Variants in DOCK2 observed in about 807,000 individuals in gnomAD.
The protein encoded by DOCK2 is dedicator of cytokinesis protein 2.
In DOCK2, 87 loss-of-function variants were observed where a neutral mutation model predicts 248.9. The ratio of observed to expected loss-of-function variants is 0.35; its 90% CI spans 0.29 to 0.42. The LOEUF (loss-of-function observed/expected upper bound fraction) is 0.42, where lower values mean the gene tolerates loss of function less well. DOCK2 is among the 10% of genes least tolerant of loss of function. The pLI is 1.00. For missense variants in DOCK2, 1,747 were observed against 2,300.2 expected (o/e 0.76, Z 4.92); for synonymous variants, 805 against 821.6 (o/e 0.98, Z 0.35).
intron 2 of DOCK2, among the ~76,000 whole-genome samples, chr5:169,659,465 A>T (rs930034003): frequency 1.3e-5 from 2 of 152,188 alleles, no homozygotes; most frequent in Non-Finnish European, 2.9e-5. Context: ...GTATATTTTT[A>T]CAACATGGCC....
At chr5:170,014,686 A>G (rs1755446435) in intron 32 of DOCK2, among the ~76,000 whole-genome samples, 1 of 148,816 alleles carries the variant, frequency 6.7e-6, no homozygotes, top group Admixed American at 6.7e-5. Flanking sequence ...AAGGAAGAAG[A>G]GCTCGTTGGT....
intron 14 of DOCK2, among the ~76,000 whole-genome samples, chr5:169,704,440 C>T (rs1368364954): frequency 6.7e-6 from 1 of 148,338 alleles, no homozygotes; most frequent in Non-Finnish European, 1.5e-5. Context: ...GTGTCAAGGG[C>T]CTTGCTCAGG....
chr5:170,079,358 G>A lies in DOCK2; in HGVS notation c.5166+212G>A, dbSNP rs1757946773. Reference sequence around the variant, plus strand: ...TGGCTGGGACATGACAGAGCTGGGAGTTGAGCCCTGACCTTTGCACTTCAG... The same window carrying A: ...TGGCTGGGACATGACAGAGCTGGGAATTGAGCCCTGACCTTTGCACTTCAG... On this transcript the variant is annotated intron_variant, in intron 49 of 51. Transcript: ENST00000520908. The A allele has an allele frequency of 7.0e-6, 4 of 572,866 alleles. No homozygotes were observed. In the South Asian group the frequency reaches 8.0e-5, roughly 11 times the overall value. 35.5% of individuals were successfully genotyped at this position (572,866 alleles called of 1,614,324 possible).
chr5:169,744,419 AAG>A (rs1382097246), intron 22 of DOCK2, among the ~76,000 whole-genome samples: 4 of 152,216 alleles, frequency 2.6e-5, no homozygotes, highest in African/African-American at 9.6e-5. Context: ...TCTGTACAAT[AAG>A]AGCAAGAACT....
intron 17 of DOCK2, among the ~76,000 whole-genome samples, chr5:169,713,599 T>C (rs1016459658): frequency 2.0e-5 from 3 of 152,152 alleles, no homozygotes; most frequent in African/African-American, 7.2e-5. Flanking sequence ...CAAGATAGCA[T>C]AGACCTGTGA....
intron 22 of DOCK2, among the ~76,000 whole-genome samples, chr5:169,734,680 G>A (rs941604841): frequency 8.5e-5 from 13 of 152,146 alleles, no homozygotes; most frequent in African/African-American, 2.2e-4. Context: ...ATATGTTTGC[G>A]TTTTTCTTCT....
chr5:169,830,266 A>G (rs1390331630), intron 26 of DOCK2, among the ~76,000 whole-genome samples: 3 of 152,250 alleles, frequency 2.0e-5, no homozygotes, highest in South Asian at 2.1e-4. Flanking sequence ...GAGGTGGCTC[A>G]TGTAAAGCAC....
chr5:169,734,794 C>A (rs574880350), intron 22 of DOCK2, among the ~76,000 whole-genome samples: 8 of 152,210 alleles, frequency 5.3e-5, no homozygotes, highest in Non-Finnish European at 1.0e-4. Flanking sequence ...ACTGGGAAAC[C>A]AGCTTTATAT....
At chr5:169,945,929 C>T (rs764635673) in intron 27 of DOCK2, among the ~76,000 whole-genome samples, 8 of 152,218 alleles carry the variant, frequency 5.3e-5, no homozygotes, top group Non-Finnish European at 8.8e-5. Flanking sequence ...GCATCCCCCA[C>T]ACTGCTGGCT....
intron 4 of DOCK2, among the ~76,000 whole-genome samples, chr5:169,670,849 G>A (rs1274521228): frequency 6.6e-6 from 1 of 152,170 alleles, no homozygotes; most frequent in Non-Finnish European, 1.5e-5. Context: ...CCTTAGAACT[G>A]TATTAAAGTA....
intron 1 of DOCK2, among the ~76,000 whole-genome samples, chr5:169,638,609 A>C (rs1756977951): frequency 6.6e-6 from 1 of 152,176 alleles, no homozygotes; most frequent in Non-Finnish European, 1.5e-5. Flanking sequence ...CTGGCTCAAT[A>C]AGAGTTAGTG....
At chr5:170,060,925 A>G (rs12187955) in intron 44 of DOCK2, among the ~76,000 whole-genome samples, 37,110 of 151,818 alleles carry the variant, frequency 0.24, 5,136 homozygotes, top group African/African-American at 0.37. Context: ...AGCTACTCAG[A>G]AGGCTGAGGC....
At chr5:169,730,630 A>G (rs1346658731) in intron 22 of DOCK2, among the ~76,000 whole-genome samples, 2 of 152,176 alleles carry the variant, frequency 1.3e-5, no homozygotes, top group Non-Finnish European at 2.9e-5. Flanking sequence ...CTCACTTAAG[A>G]TATATAGGAC....
At chr5:169,920,992 G>A (rs749233187) in intron 27 of DOCK2, among the ~76,000 whole-genome samples, 17 of 152,170 alleles carry the variant, frequency 1.1e-4, no homozygotes, top group Non-Finnish European at 2.2e-4. Flanking sequence ...CTCAGTCCAC[G>A]GGGGCACTTT....
chr5:169,727,567 A>G (rs1762548508), intron 22 of DOCK2, among the ~76,000 whole-genome samples: 1 of 152,184 alleles, frequency 6.6e-6, no homozygotes, highest in African/African-American at 2.4e-5. Flanking sequence ...TCCTGTATCC[A>G]GGGGGATTTT....
chr5:169,812,328 C>T (rs1005188736), intron 26 of DOCK2, among the ~76,000 whole-genome samples: 3 of 152,200 alleles, frequency 2.0e-5, no homozygotes, highest in Non-Finnish European at 2.9e-5. Context: ...AATGATCTGT[C>T]ACTGTCTCCT....
At chr5:169,978,386 T>TGGGGGGGGG (rs1561863630) in intron 27 of DOCK2, among the ~76,000 whole-genome samples, 3 of 16,716 alleles carry the variant, frequency 1.8e-4, no homozygotes, top group South Asian at 2.7e-3. Context: ...TGTGTGTGTG[T>TGGGGGGGGG]GTGTGTGGGG....
At chr5:169,917,961 G>A (rs1187093867) in intron 27 of DOCK2, among the ~76,000 whole-genome samples, 2 of 152,222 alleles carry the variant, frequency 1.3e-5, no homozygotes, top group South Asian at 2.1e-4. Context: ...AACCAGGACT[G>A]AAAGGAGCCC....
chr5:169,875,474 T>C (rs1772271331), intron 27 of DOCK2: 1 of 336,234 alleles, frequency 3.0e-6, no homozygotes, highest in South Asian at 2.4e-5. Flanking sequence ...TTCAGATGAG[T>C]CTGGCATCTG....
Sources: allele counts gnomAD v4.1 joint callset (sites outside exome capture counted in the v4.1 genomes callset), GRCh38; gene constraint gnomAD v4.1.1; transcripts MANE v1.5; gene names NCBI Gene and HGNC (gene_info 2026-07-23, HGNC 2026-07-21).